PAN3: variants seen among roughly 807,000 people sequenced by gnomAD.
PAN3 encodes poly(A) specific ribonuclease subunit PAN3.
In PAN3, 19 loss-of-function variants were observed where a neutral mutation model predicts 96.2. The observed-to-expected ratio is 0.20, with a 90% CI of 0.14 to 0.29. The LOEUF is 0.29. PAN3 is among the 10% of genes least tolerant of loss of function. PAN3 has a pLI of 1.00. For missense variants in PAN3, 882 were observed against 1,108.1 expected (o/e 0.80, Z 2.90); for synonymous variants, 433 against 406.6 (o/e 1.06, Z -0.78).
intron 4 of PAN3, among the ~76,000 whole-genome samples, chr13:28,195,411 A>G (rs963555039): frequency 9.9e-5 from 15 of 152,214 alleles, no homozygotes; most frequent in African/African-American, 3.1e-4. Context: ...CTCAAAAAGA[A>G]AAAAGAAACA....
intron 1 of PAN3, among the ~76,000 whole-genome samples, chr13:28,142,510 A>ATTTTT (rs1869990002): frequency 1.8e-5 from 2 of 114,174 alleles, no homozygotes; most frequent in African/African-American, 1.0e-4. Context: ...AATAGATGGC[A>ATTTTT]ATTTTTTTTT....
chr13:28,270,706 C>T lies in PAN3; in HGVS notation c.1798C>T (p.His600Tyr). 6.2e-7 allele frequency: 1 copy of T among 1,613,738 alleles called. No individual in the cohort carries two copies. Among genetic ancestry groups the T allele is most frequent in the South Asian group, 1.1e-5 (1 of 91,036 alleles). Residue 600 changes from histidine (H) to tyrosine (Y), a missense_variant, in exon 13 of 19, where the codon CAC (histidine) becomes TAC (tyrosine). Transcript: ENST00000380958. ...TGGATTTCTTTGCTGTATAGGTCAG[C>T]ACGAGGGACCATTGCCCAGGCAGCA... ...AYFTKRKWGQ[H>Y]EGPLPRQHAG...
intron 5 of PAN3, chr13:28,215,337 G>A (rs547777152): frequency 7.8e-5 from 58 of 747,996 alleles, no homozygotes; most frequent in South Asian, 6.7e-4. Context: ...TCTCAAACCC[G>A]TTATGGTGGT....
intron 5 of PAN3, among the ~76,000 whole-genome samples, chr13:28,213,585 T>A (rs117680194): frequency 0.013 from 1,926 of 152,170 alleles, 11 homozygotes; most frequent in Middle Eastern, 0.027. Context: ...CACCAGTGTT[T>A]ACTGTTTTGA....
intron 5 of PAN3, among the ~76,000 whole-genome samples, chr13:28,210,507 TG>T (rs1879902397): frequency 6.6e-6 from 1 of 152,194 alleles, no homozygotes; most frequent in Non-Finnish European, 1.5e-5. Context: ...TTTATTGAGA[TG>T]CTTAAATCGG....
At chr13:28,214,817 CATG>C (rs1319556071) in intron 5 of PAN3, 36 of 633,948 alleles carry the variant, frequency 5.7e-5, no homozygotes, top group Non-Finnish European at 9.8e-5. Context: ...TCATCAAAAA[CATG>C]ATTACTGGGA....
At chr13:28,177,992 T>C in intron 4 of PAN3, 57 bp downstream of exon 4, 1 of 1,470,012 alleles carries the variant, frequency 6.8e-7, no homozygotes, top group South Asian at 1.2e-5. Context: ...GATGTTGGCA[T>C]TGTTACCTAT....
chr13:28,241,444 T>C (rs1393721923), intron 6 of PAN3, among the ~76,000 whole-genome samples: 5 of 152,142 alleles, frequency 3.3e-5, no homozygotes, highest in Non-Finnish European at 7.3e-5. Flanking sequence ...TTCCTTAAAC[T>C]CAGTTTCTTC....
Position 28,267,313 on chromosome 13 carries a change from A to G in PAN3, c.1704A>G (p.Ala568=). The G allele has an allele frequency of 6.2e-6, 10 of 1,613,828 alleles. No homozygotes were observed. Among genetic ancestry groups the G allele is most frequent in the Non-Finnish European group, 8.5e-6 (10 of 1,179,818 alleles). ...KAFAEPSLVF[A]YDFHAGGETM... is the part of the protein sequence containing the mutation. Reference sequence around the variant, plus strand: ...TTTTATTTTAAGCTCTTGTGTTTGCATATGATTTCCATGCTGGAGGAGAAA... The same window carrying G: ...TTTTATTTTAAGCTCTTGTGTTTGCGTATGATTTCCATGCTGGAGGAGAAA... Residue 568 remains alanine, a synonymous_variant, in exon 12 of 19, where the codon GCA becomes GCG. Coordinates refer to ENST00000380958, the MANE Select transcript of PAN3 (RefSeq NM_175854.8).
At chr13:28,285,002 T>A (rs1413023243) in intron 17 of PAN3, among the ~76,000 whole-genome samples, 2 of 152,232 alleles carry the variant, frequency 1.3e-5, no homozygotes, top group Non-Finnish European at 2.9e-5. Context: ...TATTTGTTGA[T>A]GTCTACTTTT....
intron 7 of PAN3, 34 bp from the exon 8 acceptor site, chr13:28,260,412 GA>G: frequency 6.7e-7 from 1 of 1,486,012 alleles, no homozygotes; most frequent in Non-Finnish European, 9.4e-7. Flanking sequence ...AAAGAAAAAT[GA>G]GTGATTACAT....
intron 14 of PAN3, among the ~76,000 whole-genome samples, chr13:28,276,065 C>T (rs961856852): frequency 7.9e-5 from 12 of 152,044 alleles, no homozygotes; most frequent in African/African-American, 2.7e-4. Context: ...ACAAATATTC[C>T]AACAAACCAG....
intron 14 of PAN3, among the ~76,000 whole-genome samples, chr13:28,275,901 T>G (rs143098964): frequency 6.6e-6 from 1 of 152,346 alleles, no homozygotes; most frequent in East Asian, 1.9e-4. Flanking sequence ...AGTGTCAGAT[T>G]CACAAATGCT....
chr13:28,148,059 G>A (rs191401958), intron 1 of PAN3, among the ~76,000 whole-genome samples: 3 of 152,046 alleles, frequency 2.0e-5, no homozygotes, highest in Admixed American at 1.3e-4. Flanking sequence ...GGGCTCAAGC[G>A]ATTCTTCTGC....
chr13:28,260,908 ATAACT>A (rs552068337), intron 8 of PAN3, among the ~76,000 whole-genome samples: 3 of 152,230 alleles, frequency 2.0e-5, no homozygotes, highest in Non-Finnish European at 4.4e-5. Context: ...GGCTCAGGAA[ATAACT>A]TTAAGAGAGC....
At chr13:28,289,670 A>G (rs1205856966) in intron 18 of PAN3, among the ~76,000 whole-genome samples, 1 of 152,168 alleles carries the variant, frequency 6.6e-6, no homozygotes, top group Non-Finnish European at 1.5e-5. Context: ...TCACGAGGTC[A>G]GGAGATCGAG....
rs139631926 is a variant in PAN3, at chr13:28,234,921, A to G, written c.1000+14543A>G. Among the ~76,000 whole-genome samples the G allele has an allele frequency of 9.3e-4, 141 of 152,214 alleles. 1 individual carries two copies. Among genetic ancestry groups the G allele is most frequent in the Admixed American group, 1.5e-3 (23 of 15,292 alleles). ...GCCATCATAGCCGCTTCCATGCACT[A>G]TTTAGGCTAATTGGTCTACCCTTGC... On this transcript the variant is annotated intron_variant, in intron 6 of 18. Coordinates refer to ENST00000380958, the MANE Select transcript of PAN3 (RefSeq NM_175854.8).
chr13:28,174,424 T>G (rs1874694714), intron 2 of PAN3, 31 bp downstream of exon 2: 34 of 1,604,542 alleles, frequency 2.1e-5, no homozygotes, highest in Non-Finnish European at 2.8e-5. Flanking sequence ...TATTGCACTA[T>G]GAAGTTTATT....
intron 1 of PAN3, among the ~76,000 whole-genome samples, chr13:28,168,868 A>G (rs557565248): frequency 8.1e-4 from 122 of 151,286 alleles, no homozygotes; most frequent in African/African-American, 2.9e-3. Flanking sequence ...AATACAAAAA[A>G]TTACTTGGGT....
Sources: allele counts gnomAD v4.1 joint callset (sites outside exome capture counted in the v4.1 genomes callset), GRCh38; gene constraint gnomAD v4.1.1; transcripts MANE v1.5; gene names NCBI Gene and HGNC (gene_info 2026-07-23, HGNC 2026-07-21).